The following CDC73 variants were observed in gnomAD, a reference collection of about 807,000 sequenced individuals.
CDC73 encodes parafibromin.
In CDC73, 21 loss-of-function variants were observed where a neutral mutation model predicts 83.7. The ratio of observed to expected loss-of-function variants is 0.25; its 90% CI spans 0.18 to 0.36. CDC73 has a LOEUF of 0.36. Among genes scored for constraint, CDC73 ranks in the 10% least tolerant of loss-of-function variants. The pLI is 1.00. For synonymous variants in CDC73, 224 were observed against 212.9 expected (o/e 1.05, Z -0.45); for missense variants, 342 against 653.3 (o/e 0.52, Z 5.19).
rs1006187622 is a variant in CDC73 at position 193,161,072 on chromosome 1, C to T, written c.972+8628C>T. ...GTTCATCCCCTTTCCCCTCCCCCATCCTACCAAACCTCATTTGATCTTTAA... is the reference window on the plus strand; with the variant it reads ...GTTCATCCCCTTTCCCCTCCCCCATTCTACCAAACCTCATTTGATCTTTAA... On this transcript the variant is annotated intron_variant, in intron 10 of 16. Coordinates refer to ENST00000367435, the MANE Select transcript of CDC73 (RefSeq NM_024529.5). 112 of 169,800 alleles carry T rather than the reference C, an allele frequency of 6.6e-4. 1 individual carries two copies. The highest frequency in any genetic ancestry group is 2.6e-3 in the African/African-American group (109 of 41,982). The allele number at this position is 169,800 out of a possible 1,614,324, so 10.5% of individuals were successfully genotyped here.
chr1:193,159,600 G>T (rs908630143), intron 10 of CDC73, among the ~76,000 whole-genome samples: 1 of 152,112 alleles, frequency 6.6e-6, no homozygotes, highest in Non-Finnish European at 1.5e-5. Flanking sequence ...GACCTCAAGC[G>T]ATCTGCCTGC....
At chr1:193,209,499 AAAAT>A (rs1473146810) in intron 11 of CDC73, among the ~76,000 whole-genome samples, 3 of 152,196 alleles carry the variant, frequency 2.0e-5, no homozygotes, top group Non-Finnish European at 2.9e-5. Flanking sequence ...GATATGAACT[AAAAT>A]AATCTGAGTA....
chr1:193,223,725 T>C (rs1341563825), intron 13 of CDC73, among the ~76,000 whole-genome samples: 1 of 152,128 alleles, frequency 6.6e-6, no homozygotes, highest in African/African-American at 2.4e-5. Flanking sequence ...CTTTAATTGG[T>C]TTGCAAATCC....
At chr1:193,145,462 A>G (rs930085731) in intron 7 of CDC73, among the ~76,000 whole-genome samples, 43 of 152,222 alleles carry the variant, frequency 2.8e-4, no homozygotes, top group Admixed American at 2.6e-4. Context: ...GCTGTCTTCT[A>G]TTAAGCCAGA....
chr1:193,163,225 G>T (rs1676373951), intron 10 of CDC73, among the ~76,000 whole-genome samples: 1 of 151,552 alleles, frequency 6.6e-6, no homozygotes, highest in South Asian at 2.1e-4. Context: ...AAGTTAACAG[G>T]CTGGGCGCAG....
At chr1:193,182,998 A>G (rs974091314) in intron 10 of CDC73, among the ~76,000 whole-genome samples, 3 of 152,054 alleles carry the variant, frequency 2.0e-5, no homozygotes, top group African/African-American at 7.2e-5. Context: ...GCATAAATAC[A>G]TGTATGTATT....
In CDC73 at chr1:193,249,765, C is replaced by G. The variant is rs761968225; in HGVS notation, c.1453C>G (p.Leu485Val). 9 of 1,609,842 alleles carry G rather than the reference C, an allele frequency of 5.6e-6. 1 individual carries two copies. Among genetic ancestry groups the G allele is most frequent in the South Asian group, 3.3e-5 (3 of 91,016 alleles). The change falls in exon 16 of 17, where the codon CTG (leucine) becomes GTG (valine). Residue 485 changes from leucine (L) to valine (V), a missense_variant. Around this residue, in one of 3 missense-constraint regions of CDC73, gnomAD observed 239 missense variants for 420.6 expected, o/e 0.57. Transcript: ENST00000367435. ...AFHLKYDEVR[L>V]DPNVQKWDVT... ...CCATCTGAAGTATGATGAAGTTCGT[C>G]TGGATCCAAATGTTCAGAAATGGGA...
At chr1:193,239,341 C>T (rs970097239) in intron 15 of CDC73, among the ~76,000 whole-genome samples, 1 of 152,086 alleles carries the variant, frequency 6.6e-6, no homozygotes, top group African/African-American at 2.4e-5. Context: ...TTTTCTCCAT[C>T]AGATTACACT....
At chr1:193,228,971 A>T (rs951735477) in intron 13 of CDC73, among the ~76,000 whole-genome samples, 11 of 152,202 alleles carry the variant, frequency 7.2e-5, no homozygotes, top group African/African-American at 2.7e-4. Flanking sequence ...ACACTCCACA[A>T]AACAAGGTAT....
intron 15 of CDC73, among the ~76,000 whole-genome samples, chr1:193,242,002 G>T (rs1175857988): frequency 1.3e-5 from 2 of 151,990 alleles, no homozygotes; most frequent in African/African-American, 4.8e-5. Context: ...CTGTGATTGG[G>T]AGAATCTGTC....
chr1:193,148,400 C>G (rs940648090), intron 8 of CDC73, among the ~76,000 whole-genome samples: 6 of 152,148 alleles, frequency 3.9e-5, no homozygotes, highest in African/African-American at 1.4e-4. Context: ...TTAATTGTAC[C>G]TCCATTTCAG....
intron 15 of CDC73, among the ~76,000 whole-genome samples, chr1:193,244,787 C>T (rs1489166704): frequency 6.6e-6 from 1 of 152,102 alleles, no homozygotes; most frequent in Non-Finnish European, 1.5e-5. Flanking sequence ...CAAAAACCTT[C>T]CACACGTGTA....
intron 10 of CDC73, among the ~76,000 whole-genome samples, chr1:193,185,512 T>C (rs894711623): frequency 1.3e-5 from 2 of 152,104 alleles, no homozygotes; most frequent in African/African-American, 4.8e-5. Context: ...TTGGGGAAGA[T>C]TTTGTTACTA....
chr1:193,235,989 C>T (rs1348582823), intron 14 of CDC73, among the ~76,000 whole-genome samples: 1 of 152,114 alleles, frequency 6.6e-6, no homozygotes, highest in Admixed American at 6.5e-5. Flanking sequence ...AGATTACATA[C>T]GAGTATTGTC....
rs976475675 is a variant in CDC73, at chr1:193,187,110, C to CCCCG, written c.973-16683_973-16682insCGCC. On this transcript the variant is annotated intron_variant, in intron 10 of 16. Coordinates refer to ENST00000367435, the MANE Select transcript of CDC73 (RefSeq NM_024529.5). ...TATCTTTGTAATTTAGATCCCCCCC[C>CCCCG]CCGTTTTCTGGGGTTTGTATAAATA... is the stretch of plus-strand genomic sequence containing the variant. 4.0e-5 allele frequency among the ~76,000 whole-genome samples: 4 copies of CCCCG among 99,754 alleles called. 1 individual carries two copies. Among genetic ancestry groups the CCCCG allele is most frequent in the Non-Finnish European group, 8.6e-5 (4 of 46,560 alleles). The allele number at this position is 99,754 out of a possible 152,430, so 65.4% of individuals were successfully genotyped here.
chr1:193,146,200 T>A (rs1468736909), intron 7 of CDC73, among the ~76,000 whole-genome samples: 1 of 152,122 alleles, frequency 6.6e-6, no homozygotes, highest in Non-Finnish European at 1.5e-5. Context: ...GGTGTTTGGC[T>A]TAGAGTAGAT....
chr1:193,227,073 A>G (rs1677578132), intron 13 of CDC73, among the ~76,000 whole-genome samples: 1 of 151,890 alleles, frequency 6.6e-6, no homozygotes, highest in Non-Finnish European at 1.5e-5. Flanking sequence ...GAATTTATCC[A>G]TATATTCTAG....
chr1:193,151,506 G>C (rs1255091183), intron 9 of CDC73, among the ~76,000 whole-genome samples: 2 of 152,162 alleles, frequency 1.3e-5, no homozygotes, highest in East Asian at 3.8e-4. Flanking sequence ...CTAAAATACA[G>C]AATTGGGCAG....
At chr1:193,176,259 G>A (rs1158008167) in intron 10 of CDC73, among the ~76,000 whole-genome samples, 1 of 152,068 alleles carries the variant, frequency 6.6e-6, no homozygotes, top group African/African-American at 2.4e-5. Flanking sequence ...CCCCTAAACC[G>A]TTTCCCTGAT....
Sources: allele counts gnomAD v4.1 joint callset (sites outside exome capture counted in the v4.1 genomes callset), GRCh38; gene constraint gnomAD v4.1.1; regional missense constraint gnomAD v4.1.1; transcripts MANE v1.5; gene names NCBI Gene and HGNC (gene_info 2026-07-23, HGNC 2026-07-21).